DCAF5: variants seen among roughly 807,000 people sequenced by gnomAD.
DCAF5 encodes DDB1 and CUL4 associated factor 5, also known as DDB1- and CUL4-associated factor 5.
DCAF5 carries 9 observed loss-of-function variants against 80.7 expected under a neutral mutation model. That is an observed-to-expected ratio of 0.11 (90% CI 0.07 to 0.19). The LOEUF is 0.19. DCAF5 is among the 10% of genes least tolerant of loss of function. DCAF5 has a pLI of 1.00. For synonymous variants in DCAF5, 433 were observed against 461.9 expected (o/e 0.94, Z 0.80); for missense variants, 842 against 1,205.7 (o/e 0.70, Z 4.47).
rs370882307 is a variant in DCAF5 at position 69,122,299 on chromosome 14, C to T, written c.276G>A (p.Lys92=). ...GGTGCTCTCCTTTCAGCTGTATGGG[C>T]TTGACCCTGGAGTGGATGGCTTGTT... ...HMEQAIHSRV[K]PIQLKGEHHS... Residue 92 remains lysine (K), a synonymous_variant, in exon 2 of 9, where the codon AAG becomes AAA. Transcript: ENST00000341516. 3.7e-6 allele frequency: 6 copies of T among 1,614,016 alleles called. 1 individual carries two copies. The highest frequency in any genetic ancestry group is 2.2e-5 in the South Asian group (2 of 91,052).
intron 6 of DCAF5, chr14:69,085,164 A>G (rs1360335344): frequency 6.7e-6 from 5 of 745,702 alleles, no homozygotes; most frequent in South Asian, 1.4e-5. Flanking sequence ...CCATTCTCTG[A>G]AACAGATCTT....
chr14:69,067,916 T>C lies in DCAF5; in HGVS notation c.947-5405A>G, dbSNP rs566677628. On this transcript the variant is annotated intron_variant, in intron 7 of 8. Coordinates refer to ENST00000341516, the MANE Select transcript of DCAF5 (RefSeq NM_003861.3). ...TCCCAAAGTGCTGGGATTACAGTCC[T>C]GAGCCACTGCACCTGGCCCAGATAT... 2.0e-5 allele frequency among the ~76,000 whole-genome samples: 3 copies of C among 152,328 alleles called. No homozygotes were observed. In the East Asian group the frequency reaches 5.8e-4, roughly 29 times the overall value.
chr14:69,129,915 T>TAC (rs1219849862), intron 1 of DCAF5, among the ~76,000 whole-genome samples: 2 of 152,232 alleles, frequency 1.3e-5, no homozygotes, highest in Admixed American at 6.5e-5. Context: ...TACAACTACA[T>TAC]ACTCTGGTTT....
chr14:69,092,625 T>A (rs1372875257), intron 5 of DCAF5, among the ~76,000 whole-genome samples: 2 of 152,114 alleles, frequency 1.3e-5, no homozygotes, highest in Non-Finnish European at 2.9e-5. Context: ...CTCAAAAAAT[T>A]GAACAATAGA....
At chr14:69,142,926 T>C (rs565228762) in intron 1 of DCAF5, among the ~76,000 whole-genome samples, 8 of 152,228 alleles carry the variant, frequency 5.3e-5, no homozygotes, top group Non-Finnish European at 1.2e-4. Context: ...AACTAGAGTA[T>C]ACCTACTCCT....
intron 5 of DCAF5, among the ~76,000 whole-genome samples, chr14:69,097,433 C>T (rs930104416): frequency 7.2e-5 from 11 of 152,190 alleles, no homozygotes; most frequent in South Asian, 2.1e-4. Context: ...ACTGCATCCT[C>T]GTACACCCAC....
At chr14:69,058,756 C>T (rs1430070350) in intron 8 of DCAF5, among the ~76,000 whole-genome samples, 1 of 151,320 alleles carries the variant, frequency 6.6e-6, no homozygotes, top group Admixed American at 6.6e-5. Flanking sequence ...ACCTGAAGTC[C>T]CAGCTACTCA....
intron 2 of DCAF5, 56 bp downstream of exon 2, chr14:69,122,161 T>C: frequency 6.3e-7 from 1 of 1,581,674 alleles, no homozygotes; most frequent in Middle Eastern, 1.7e-4. Context: ...TTTCGCACTC[T>C]TTTCTCTAAA....
chr14:69,070,790 C>CTTTT (rs67836121), intron 7 of DCAF5, among the ~76,000 whole-genome samples: 1 of 144,358 alleles, frequency 6.9e-6, no homozygotes, highest in Non-Finnish European at 1.5e-5. Context: ...TTTTATTTTT[C>CTTTT]TTTTTTTTTT....
intron 8 of DCAF5, among the ~76,000 whole-genome samples, chr14:69,058,838 T>C (rs955643928): frequency 2.8e-5 from 4 of 144,648 alleles, no homozygotes; most frequent in Non-Finnish European, 6.0e-5. Flanking sequence ...CGTGCCACTG[T>C]ACTCCAGCCT....
chr14:69,129,199 C>A (rs780026579), intron 1 of DCAF5, among the ~76,000 whole-genome samples: 2 of 152,246 alleles, frequency 1.3e-5, no homozygotes, highest in Admixed American at 6.5e-5. Context: ...ACAGCCCAAT[C>A]CATGGGAGAT....
At position 69,069,895 on chromosome 14, in the gene DCAF5, A is replaced by C. The variant is rs186278125; in HGVS notation, c.946+5450T>G. Among the ~76,000 whole-genome samples the C allele has an allele frequency of 4.6e-5, 7 of 152,350 alleles. No individual in the cohort carries two copies. In the East Asian group the frequency reaches 1.3e-3, roughly 29 times the overall value. ...CTCAGCCTCCCAAAGTGCTGGGATT[A>C]CAGGCATGTGCCACTGTGCCCAGCC... On this transcript the variant is annotated intron_variant, in intron 7 of 8. Coordinates refer to ENST00000341516, the MANE Select transcript of DCAF5 (RefSeq NM_003861.3).
chr14:69,090,628 C>G (rs1427050605), intron 6 of DCAF5: 1 of 155,210 alleles, frequency 6.4e-6, no homozygotes, highest in Admixed American at 6.4e-5. Flanking sequence ...CTAGCAACCC[C>G]CATCTAAGGA....
At chr14:69,084,338 G>C (rs1177154269) in intron 6 of DCAF5, 1 of 953,270 alleles carries the variant, frequency 1.0e-6, no homozygotes, top group Non-Finnish European at 1.7e-6. Context: ...GAATATCCCA[G>C]GGTTTATGTA....
chr14:69,128,468 G>A (rs908300474), intron 1 of DCAF5, among the ~76,000 whole-genome samples: 2 of 152,158 alleles, frequency 1.3e-5, no homozygotes, highest in African/African-American at 2.4e-5. Flanking sequence ...TTACAGGCGT[G>A]AGCCTGGCTG....
intron 6 of DCAF5, among the ~76,000 whole-genome samples, chr14:69,076,023 T>C (rs2038885120): frequency 6.6e-6 from 1 of 151,174 alleles, no homozygotes; most frequent in African/African-American, 2.4e-5. Context: ...CTAGTAAGTA[T>C]AGGAAAAGAT....
chr14:69,099,068 T>C (rs560161778), intron 5 of DCAF5, among the ~76,000 whole-genome samples: 3 of 151,858 alleles, frequency 2.0e-5, no homozygotes, highest in East Asian at 3.9e-4. Context: ...CTGGCCAACA[T>C]GGTGAAACCC....
At chr14:69,098,920 A>G (rs1461222640) in intron 5 of DCAF5, among the ~76,000 whole-genome samples, 1 of 147,740 alleles carries the variant, frequency 6.8e-6, no homozygotes, top group African/African-American at 2.5e-5. Context: ...AAAAAAGAAA[A>G]GAAAAAAAAG....
chr14:69,111,098 A>C (rs2040349490), intron 5 of DCAF5, among the ~76,000 whole-genome samples: 1 of 152,228 alleles, frequency 6.6e-6, no homozygotes, highest in African/African-American at 2.4e-5. Flanking sequence ...ACATCAGAGC[A>C]TGAGTGCCTT....
Sources: allele counts gnomAD v4.1 joint callset (sites outside exome capture counted in the v4.1 genomes callset), GRCh38; gene constraint gnomAD v4.1.1; transcripts MANE v1.5; gene names NCBI Gene and HGNC (gene_info 2026-07-23, HGNC 2026-07-21).